Variants in CTNNA3 observed in about 807,000 individuals in gnomAD.
CTNNA3 encodes the protein catenin alpha 3.
In CTNNA3, 76 loss-of-function variants were observed where a neutral mutation model predicts 95.7. That is an observed-to-expected ratio of 0.79 (90% CI 0.66 to 0.96). CTNNA3 has a LOEUF of 0.96. Ranked by LOEUF, CTNNA3 falls within the 40% of genes least tolerant of loss-of-function variation. CTNNA3 has a pLI of 0.00. For missense variants in CTNNA3, 1,191 were observed against 1,089.8 expected (o/e 1.09, Z -1.31); for synonymous variants, 431 against 374.4 (o/e 1.15, Z -1.74).
chr10:66,322,021 G>A lies in CTNNA3; in HGVS notation c.1733-41400C>T, dbSNP rs538691272. 2.2e-4 allele frequency among the ~76,000 whole-genome samples: 34 copies of A among 152,216 alleles called. No homozygotes were observed. The South Asian group carries it at 7.0e-3, about 32-fold the overall frequency. On this transcript the variant is annotated intron_variant, in intron 12 of 17. Transcript: ENST00000433211. ...TGAAAGTGAGACTAGGTAGACTAGT[G>A]GGTGAAAATGACAGTGGCTGAGGTG... is the stretch of plus-strand genomic sequence containing the variant.
At chr10:67,359,435 A>C (rs1331252400) in intron 5 of CTNNA3, among the ~76,000 whole-genome samples, 1 of 152,144 alleles carries the variant, frequency 6.6e-6, no homozygotes, top group Non-Finnish European at 1.5e-5. Flanking sequence ...CTGGATGGGT[A>C]GGAAGCTCGA....
intron 15 of CTNNA3, among the ~76,000 whole-genome samples, chr10:65,996,781 C>A (rs1018302783): frequency 1.3e-5 from 2 of 152,196 alleles, no homozygotes; most frequent in Admixed American, 1.3e-4. Flanking sequence ...CCCAGGTGAT[C>A]CTGACCAAGC....
At chr10:65,996,002 G>C (rs1470181547) in intron 15 of CTNNA3, among the ~76,000 whole-genome samples, 1 of 152,174 alleles carries the variant, frequency 6.6e-6, no homozygotes, top group Non-Finnish European at 1.5e-5. Context: ...TAAAGTGCTG[G>C]GTGGTGGCAG....
chr10:67,467,854 G>A (rs1335178166), intron 5 of CTNNA3, among the ~76,000 whole-genome samples: 2 of 151,862 alleles, frequency 1.3e-5, no homozygotes, highest in Admixed American at 1.3e-4. Flanking sequence ...GAGACTACAG[G>A]TGTGCCCCAC....
intron 5 of CTNNA3, among the ~76,000 whole-genome samples, chr10:67,521,435 T>C (rs1265877459): frequency 6.6e-6 from 1 of 152,194 alleles, no homozygotes; most frequent in Non-Finnish European, 1.5e-5. Context: ...ATGACTATTT[T>C]CCTTAATGTT....
chr10:67,319,702 C>T (rs996590065), intron 5 of CTNNA3, among the ~76,000 whole-genome samples: 2 of 151,944 alleles, frequency 1.3e-5, no homozygotes, highest in Non-Finnish European at 2.9e-5. Context: ...TTAAGACCAG[C>T]CTGGCCAACA....
chr10:66,135,604 AT>A (rs1825009754), intron 13 of CTNNA3, among the ~76,000 whole-genome samples: 1 of 152,204 alleles, frequency 6.6e-6, no homozygotes, highest in South Asian at 2.1e-4. Flanking sequence ...AGAATCATCA[AT>A]GGATGCTAAA....
At chr10:66,455,831 C>T (rs1004037274) in intron 11 of CTNNA3, among the ~76,000 whole-genome samples, 3 of 152,166 alleles carry the variant, frequency 2.0e-5, no homozygotes, top group Non-Finnish European at 4.4e-5. Flanking sequence ...CCCTTCTGGA[C>T]TAAGCCCCAA....
chr10:66,252,218 G>A (rs1206271275), intron 13 of CTNNA3, among the ~76,000 whole-genome samples: 2 of 152,078 alleles, frequency 1.3e-5, no homozygotes, highest in African/African-American at 4.8e-5. Context: ...GCTTGACAAC[G>A]TATGTTTTGT....
chr10:66,461,342 T>C (rs750223981), intron 11 of CTNNA3, among the ~76,000 whole-genome samples: 3 of 152,166 alleles, frequency 2.0e-5, no homozygotes, highest in Non-Finnish European at 4.4e-5. Context: ...TTGAATTGCA[T>C]GGGCAGTAGA....
At chr10:66,066,397 A>G (rs2080313845) in intron 15 of CTNNA3, among the ~76,000 whole-genome samples, 1 of 152,162 alleles carries the variant, frequency 6.6e-6, no homozygotes, top group Non-Finnish European at 1.5e-5. Context: ...TGTATTATAT[A>G]ATGCTTGTGA....
intron 7 of CTNNA3, among the ~76,000 whole-genome samples, chr10:66,973,311 TATTC>T (rs1849829357): frequency 6.6e-6 from 1 of 152,204 alleles, no homozygotes; most frequent in African/African-American, 2.4e-5. Flanking sequence ...AATTTCATAA[TATTC>T]ATTGTACTAG....
chr10:66,916,306 G>A (rs537809191), intron 7 of CTNNA3, among the ~76,000 whole-genome samples: 1 of 152,158 alleles, frequency 6.6e-6, no homozygotes, highest in African/African-American at 2.4e-5. Context: ...GGGAAGCAGG[G>A]AGAGTAAATG....
intron 7 of CTNNA3, among the ~76,000 whole-genome samples, chr10:67,032,588 T>C (rs916206126): frequency 3.3e-5 from 5 of 152,202 alleles, no homozygotes; most frequent in African/African-American, 1.2e-4. Context: ...GTATTAAGCA[T>C]CAGACAGATG....
intron 17 of CTNNA3, among the ~76,000 whole-genome samples, chr10:65,957,803 C>A (rs564104045): frequency 6.6e-6 from 1 of 152,192 alleles, no homozygotes; most frequent in Non-Finnish European, 1.5e-5. Context: ...ACCTTTCTCT[C>A]TGGTTGCCCT....
intron 11 of CTNNA3, among the ~76,000 whole-genome samples, chr10:66,475,578 A>C (rs947645076): frequency 5.3e-5 from 8 of 152,104 alleles, no homozygotes; most frequent in African/African-American, 1.4e-4. Context: ...TTCTCAAAAA[A>C]AGATGTTCAT....
chr10:67,444,105 C>T (rs1262399701), intron 5 of CTNNA3, among the ~76,000 whole-genome samples: 14 of 152,074 alleles, frequency 9.2e-5, no homozygotes, highest in Admixed American at 8.5e-4. Context: ...TTCTTTTCTT[C>T]AGCACAAGGA....
At chr10:67,080,187 G>A (rs183167730) in intron 7 of CTNNA3, among the ~76,000 whole-genome samples, 44 of 152,218 alleles carry the variant, frequency 2.9e-4, no homozygotes, top group Admixed American at 2.7e-3. Flanking sequence ...TTCCTTTTAC[G>A]TGAGCTACTG....
Position 66,978,435 on chromosome 10 carries a change from G to A in CTNNA3, c.1047+201882C>T, listed in dbSNP as rs868338632. Among the ~76,000 whole-genome samples the A allele has an allele frequency of 9.8e-4, 144 of 147,144 alleles. 2 individuals carry two copies. In the Middle Eastern group the frequency reaches 0.022, roughly 22 times the overall value. ...CCAGCTATTCAGGAGGCTGAGGCAGGAGAATCACTTTAACCTGGGAGGCGG... is the reference window on the plus strand; with the variant it reads ...CCAGCTATTCAGGAGGCTGAGGCAGAAGAATCACTTTAACCTGGGAGGCGG... On this transcript the variant is annotated intron_variant, in intron 7 of 17. Coordinates refer to ENST00000433211, the MANE Select transcript of CTNNA3 (RefSeq NM_013266.4).
Sources: allele counts gnomAD v4.1 joint callset (sites outside exome capture counted in the v4.1 genomes callset), GRCh38; gene constraint gnomAD v4.1.1; transcripts MANE v1.5; gene names NCBI Gene and HGNC (gene_info 2026-07-23, HGNC 2026-07-21).